Variants in DACH1 observed in about 807,000 individuals in gnomAD.
DACH1 encodes the protein dachshund homolog 1.
A neutral mutation model predicts 54.2 loss-of-function variants in DACH1; 12 were observed. The observed-to-expected ratio is 0.22, with a 90% CI of 0.14 to 0.36. The LOEUF is 0.36. Among genes scored for constraint, DACH1 ranks in the 10% least tolerant of loss-of-function variants. DACH1 has a pLI of 1.00. For synonymous variants in DACH1, 386 were observed against 366.2 expected (o/e 1.05, Z -0.62); for missense variants, 805 against 929.8 (o/e 0.87, Z 1.75).
chr13:71,463,947 G>C (rs1876330448), intron 10 of DACH1, among the ~76,000 whole-genome samples: 1 of 151,834 alleles, frequency 6.6e-6, no homozygotes, highest in Non-Finnish European at 1.5e-5. Context: ...CTCTTAGTTT[G>C]TGAGAGGAGA....
intron 1 of DACH1, among the ~76,000 whole-genome samples, chr13:71,755,757 T>G (rs1026852873): frequency 3.3e-5 from 5 of 152,206 alleles, no homozygotes; most frequent in African/African-American, 1.2e-4. Context: ...GTCTTCAAAC[T>G]AAATCAAGTC....
chr13:71,454,033 T>C (rs1875319792), intron 10 of DACH1, among the ~76,000 whole-genome samples: 1 of 145,012 alleles, frequency 6.9e-6, no homozygotes, highest in African/African-American at 2.5e-5. Flanking sequence ...TGTGCAACGT[T>C]ATATTAAAAA....
chr13:71,545,662 AT>A (rs1299702203), intron 6 of DACH1, among the ~76,000 whole-genome samples: 2 of 152,110 alleles, frequency 1.3e-5, no homozygotes, highest in East Asian at 3.9e-4. Flanking sequence ...TTCTGAAAGT[AT>A]TTTTTATTGA....
At chr13:71,682,644 A>T (rs1880972397) in intron 1 of DACH1, among the ~76,000 whole-genome samples, 1 of 152,214 alleles carries the variant, frequency 6.6e-6, no homozygotes, top group Admixed American at 6.5e-5. Context: ...ATATACTAAA[A>T]TATACTTGAA....
chr13:71,596,407 G>A (rs1297580842), intron 3 of DACH1, among the ~76,000 whole-genome samples: 1 of 152,040 alleles, frequency 6.6e-6, no homozygotes, highest in Admixed American at 6.5e-5. Context: ...AGATACCATG[G>A]CATTTATACA....
intron 2 of DACH1, among the ~76,000 whole-genome samples, chr13:71,638,729 G>A (rs1877683728): frequency 6.6e-6 from 1 of 152,050 alleles, no homozygotes; most frequent in Non-Finnish European, 1.5e-5. Context: ...TTTTCAATAA[G>A]GATGTTAGCA....
intron 10 of DACH1, among the ~76,000 whole-genome samples, chr13:71,445,085 C>G (rs1005951905): frequency 1.3e-5 from 2 of 152,050 alleles, no homozygotes; most frequent in South Asian, 2.1e-4. Flanking sequence ...CGATAAGCCC[C>G]GTGGAAGAGG....
intron 2 of DACH1, among the ~76,000 whole-genome samples, chr13:71,678,095 T>C (rs1259868291): frequency 6.6e-6 from 1 of 152,202 alleles, no homozygotes; most frequent in Non-Finnish European, 1.5e-5. Context: ...ACCTTGAAGA[T>C]ATATTTACAT....
intron 1 of DACH1, among the ~76,000 whole-genome samples, chr13:71,860,110 C>A (rs1245140660): frequency 6.6e-6 from 1 of 151,446 alleles, no homozygotes; most frequent in Non-Finnish European, 1.5e-5. Flanking sequence ...TTAATGCAGT[C>A]CCAAAGCCTG....
At chr13:71,685,893 G>T (rs1351408800) in intron 1 of DACH1, among the ~76,000 whole-genome samples, 1 of 152,066 alleles carries the variant, frequency 6.6e-6, no homozygotes, top group African/African-American at 2.4e-5. Context: ...TCTTTAAGAA[G>T]TGTTTTGTAT....
chr13:71,823,268 T>C (rs1439868995), intron 1 of DACH1, among the ~76,000 whole-genome samples: 1 of 152,100 alleles, frequency 6.6e-6, no homozygotes, highest in Admixed American at 6.6e-5. Flanking sequence ...CAATCAGAGT[T>C]ATTCTATTAT....
intron 3 of DACH1, among the ~76,000 whole-genome samples, chr13:71,609,742 G>T (rs1875167774): frequency 6.6e-6 from 1 of 151,964 alleles, no homozygotes; most frequent in Non-Finnish European, 1.5e-5. Context: ...GGTCAGGCTG[G>T]TCTCGAACTC....
intron 2 of DACH1, among the ~76,000 whole-genome samples, chr13:71,642,878 AGCCAGACATAGTG>A (rs1343322471): frequency 1.3e-4 from 20 of 151,796 alleles, no homozygotes. Context: ...TACAAAAATT[AGCCAGACATAGTG>A]GCACGTGCCT....
At chr13:71,842,945 T>A (rs1290491582) in intron 1 of DACH1, among the ~76,000 whole-genome samples, 1 of 152,148 alleles carries the variant, frequency 6.6e-6, no homozygotes, top group Non-Finnish European at 1.5e-5. Context: ...TTAAAGAGAA[T>A]CTTCATTTTC....
rs143990414 is a variant in DACH1, at chr13:71,677,864, C to T, written c.964+3931G>A. Among the ~76,000 whole-genome samples, 192 of 152,088 alleles carry T rather than the reference C, an allele frequency of 1.3e-3. 2 individuals carry two copies. Among genetic ancestry groups the T allele is most frequent in the African/African-American group, 4.3e-3 (178 of 41,482 alleles). On this transcript the variant is annotated intron_variant, in intron 2 of 10. Coordinates refer to ENST00000613252, the MANE Select transcript of DACH1 (RefSeq NM_080759.6). ...CATCCCAAATACTTGGGATTACAGG[C>T]GCCCACCACCATGTCCAGCTAATTT...
At chr13:71,515,036 C>A (rs561737469) in intron 6 of DACH1, among the ~76,000 whole-genome samples, 1 of 151,834 alleles carries the variant, frequency 6.6e-6, no homozygotes, top group African/African-American at 2.4e-5. Flanking sequence ...TTGCACAATG[C>A]ACATATACTA....
chr13:71,558,530 A>T, intron 5 of DACH1, among the ~76,000 whole-genome samples: 1 of 151,872 alleles, frequency 6.6e-6, no homozygotes, highest in South Asian at 2.1e-4. Flanking sequence ...ATTTTGTTCC[A>T]ATTTTTTTTT....
chr13:71,653,745 G>A (rs1464602610), intron 2 of DACH1, among the ~76,000 whole-genome samples: 1 of 152,116 alleles, frequency 6.6e-6, no homozygotes, highest in Non-Finnish European at 1.5e-5. Flanking sequence ...GCATATTTCT[G>A]AAGTATTCAC....
intron 1 of DACH1, among the ~76,000 whole-genome samples, chr13:71,688,170 A>G (rs184447480): frequency 4.6e-5 from 7 of 152,356 alleles, no homozygotes; most frequent in Non-Finnish European, 2.9e-5. Flanking sequence ...ACAAATAATC[A>G]CTGACATCGT....
Sources: gnomAD v4.1 joint callset for allele counts (sites outside exome capture counted in the v4.1 genomes callset) on GRCh38, gnomAD v4.1.1 for gene constraint, MANE v1.5 for transcripts, NCBI Gene and HGNC (gene_info 2026-07-23, HGNC 2026-07-21) for gene names.